The following SNX24 variants were observed in gnomAD, a reference collection of about 807,000 sequenced individuals.
SNX24 encodes sorting nexin 24.
A neutral mutation model predicts 28.7 loss-of-function variants in SNX24; 22 were observed. The observed-to-expected ratio is 0.77, with a 90% CI of 0.55 to 1.10. The LOEUF is 1.10. Among genes scored for constraint, SNX24 ranks in the 50% least tolerant of loss-of-function variants. SNX24 has a pLI of 0.00. For synonymous variants in SNX24, 69 were observed against 71.5 expected (o/e 0.96, Z 0.18); for missense variants, 221 against 201.1 (o/e 1.10, Z -0.60).
At chr5:122,934,390 C>G (rs780989865) in intron 1 of SNX24, among the ~76,000 whole-genome samples, 3 of 152,122 alleles carry the variant, frequency 2.0e-5, no homozygotes, top group Non-Finnish European at 4.4e-5. Context: ...AACAGAGTCT[C>G]GCTCGGTTGC....
intron 3 of SNX24, among the ~76,000 whole-genome samples, chr5:122,957,519 T>C (rs1760265390): frequency 1.3e-5 from 2 of 152,226 alleles, no homozygotes; most frequent in Admixed American, 1.3e-4. Context: ...AAGTTTCATA[T>C]GATTTTTTGA....
chr5:122,895,903 C>G (rs1425115143), intron 1 of SNX24, among the ~76,000 whole-genome samples: 1 of 152,216 alleles, frequency 6.6e-6, no homozygotes, highest in African/African-American at 2.4e-5. Flanking sequence ...AATCCCAGCA[C>G]TTTGGACAGC....
intron 5 of SNX24, chr5:123,025,956 T>C (rs1581872278): frequency 1.9e-6 from 3 of 1,600,752 alleles, no homozygotes; most frequent in East Asian, 2.2e-5. Flanking sequence ...TGTCTCACCA[T>C]AGATGCTCAC....
chr5:122,913,415 G>T lies in SNX24; in HGVS notation c.61-23319G>T, dbSNP rs1446975354. Among the ~76,000 whole-genome samples the T allele has an allele frequency of 2.0e-5, 3 of 150,324 alleles. No homozygotes were observed. In the East Asian group the frequency reaches 5.9e-4, roughly 30 times the overall value. On this transcript the variant is annotated intron_variant, in intron 1 of 6. Coordinates refer to ENST00000261369, the MANE Select transcript of SNX24 (RefSeq NM_014035.4). ...GTGGCTGACCCCCCACCTCCCTCCC[G>T]GACGGGGCGGCTGGCCGGGCGGGGG...
At chr5:122,909,095 T>C (rs140139146) in intron 1 of SNX24, among the ~76,000 whole-genome samples, 1 of 152,240 alleles carries the variant, frequency 6.6e-6, no homozygotes, top group East Asian at 1.9e-4. Flanking sequence ...ATTCCACATA[T>C]GAATACTTGA....
rs113766868 is a variant in SNX24, at chr5:122,989,972, T to C, written c.250-9940T>C. On this transcript the variant is annotated intron_variant, in intron 3 of 6. Transcript: ENST00000261369. Reference sequence around the variant, plus strand: ...TTCTTGCTATTGTGTTCTGTCCCAGTAGGCTACTATTCCTACCTGTGTATT... The same window carrying C: ...TTCTTGCTATTGTGTTCTGTCCCAGCAGGCTACTATTCCTACCTGTGTATT... 7.3e-3 allele frequency among the ~76,000 whole-genome samples: 1,115 copies of C among 152,342 alleles called. 18 individuals are homozygous for C. The highest frequency in any genetic ancestry group is 0.025 in the African/African-American group (1,057 of 41,586).
chr5:123,028,703 C>G, intron 5 of SNX24: 2 of 1,229,316 alleles, frequency 1.6e-6, no homozygotes, highest in Non-Finnish European at 1.2e-6. Flanking sequence ...TTTCAACAGA[C>G]TGGGTTCATA....
intron 5 of SNX24, chr5:123,028,955 G>A: frequency 1.7e-6 from 2 of 1,186,872 alleles, no homozygotes; most frequent in Non-Finnish European, 2.4e-6. Flanking sequence ...GACAAACTGA[G>A]AAAATTAAAC....
At chr5:123,004,828 T>C (rs1331574168) in intron 6 of SNX24, among the ~76,000 whole-genome samples, 2 of 152,212 alleles carry the variant, frequency 1.3e-5, no homozygotes, top group African/African-American at 4.8e-5. Context: ...ATGCCACGGC[T>C]TCAGAGAGCC....
At chr5:122,977,561 C>T (rs1761218560) in intron 3 of SNX24, among the ~76,000 whole-genome samples, 1 of 152,174 alleles carries the variant, frequency 6.6e-6, no homozygotes, top group Non-Finnish European at 1.5e-5. Context: ...AAACAATTCC[C>T]TTTAGAGCAG....
At chr5:122,901,286 T>C (rs536462115) in intron 1 of SNX24, among the ~76,000 whole-genome samples, 10 of 152,228 alleles carry the variant, frequency 6.6e-5, no homozygotes, top group African/African-American at 2.4e-4. Context: ...TCTTGAAATA[T>C]AGCTTGTTTT....
intron 6 of SNX24, among the ~76,000 whole-genome samples, chr5:123,004,254 A>G (rs1191978364): frequency 6.6e-6 from 1 of 152,200 alleles, no homozygotes; most frequent in Non-Finnish European, 1.5e-5. Flanking sequence ...CTCTCTTAAC[A>G]GATTGAAAAG....
chr5:122,962,202 A>G (rs1328889054), intron 3 of SNX24, among the ~76,000 whole-genome samples: 3 of 151,918 alleles, frequency 2.0e-5, no homozygotes, highest in Admixed American at 6.6e-5. Context: ...TCTCAAAATG[A>G]TATGTACTTC....
At chr5:122,861,357 A>G (rs1755453850) in intron 1 of SNX24, among the ~76,000 whole-genome samples, 1 of 152,172 alleles carries the variant, frequency 6.6e-6, no homozygotes, top group African/African-American at 2.4e-5. Flanking sequence ...TCCCAAAAAA[A>G]GAAACTTGAC....
chr5:122,854,515 C>CAAA (rs55693230), intron 1 of SNX24, among the ~76,000 whole-genome samples: 2 of 121,414 alleles, frequency 1.6e-5, no homozygotes, highest in Admixed American at 8.1e-5. Flanking sequence ...CTCAAAAAAA[C>CAAA]AAAAAAAAAA....
chr5:122,913,288 G>T (rs577800547), intron 1 of SNX24, among the ~76,000 whole-genome samples: 1 of 152,074 alleles, frequency 6.6e-6, no homozygotes, highest in Non-Finnish European at 1.5e-5. Flanking sequence ...CAGTAGGGGC[G>T]GCCGGGCAGA....
chr5:122,854,425 G>A (rs549827495), intron 1 of SNX24, among the ~76,000 whole-genome samples: 30 of 151,346 alleles, frequency 2.0e-4, no homozygotes, highest in Admixed American at 1.9e-3. Flanking sequence ...GGAGAATGGC[G>A]TGAACCCGGG....
rs185717457 is a variant in SNX24, at chr5:122,951,136, G to A, written c.249+4977G>A. On this transcript the variant is annotated intron_variant, in intron 3 of 6. Transcript: ENST00000261369. Reference sequence around the variant, plus strand: ...CAAAAAATTAGCCAGGCGTGGTGGCGGGCACCTGTAGTCCCAGCTACTCAG... The same window carrying A: ...CAAAAAATTAGCCAGGCGTGGTGGCAGGCACCTGTAGTCCCAGCTACTCAG... Among the ~76,000 whole-genome samples the A allele has an allele frequency of 3.3e-5, 5 of 151,560 alleles. No individual in the cohort carries two copies. The East Asian group carries it at 5.8e-4, about 18-fold the overall frequency.
chr5:123,012,060 T>C (rs1762591238), downstream of SNX24, among the ~76,000 whole-genome samples: 1 of 152,210 alleles, frequency 6.6e-6, no homozygotes, highest in African/African-American at 2.4e-5. Flanking sequence ...TGAGGGGCTT[T>C]TCCCCCTTTT....
Sources: gnomAD v4.1 joint callset for allele counts (sites outside exome capture counted in the v4.1 genomes callset) on GRCh38, gnomAD v4.1.1 for gene constraint, MANE v1.5 for transcripts, NCBI Gene and HGNC (gene_info 2026-07-23, HGNC 2026-07-21) for gene names.